NBL1: variants seen among roughly 807,000 people sequenced by gnomAD.
The protein encoded by NBL1 is neuroblastoma suppressor of tumorigenicity 1.
A neutral mutation model predicts 16.0 loss-of-function variants in NBL1; 9 were observed. The observed-to-expected ratio is 0.56, with a 90% confidence interval of 0.34 to 0.98. The LOEUF is 0.98. Among genes scored for constraint, NBL1 ranks in the 50% least tolerant of loss-of-function variants. The pLI is 0.02. For synonymous variants in NBL1, 86 were observed against 100.7 expected, an observed-to-expected ratio of 0.85 and a Z score of 0.87; for missense variants, 196 against 243.1, an observed-to-expected ratio of 0.81 and a Z score of 1.29.
rs571516753 is a variant in NBL1 at position 19,649,556 on chromosome 1, G to A, written c.-20+5110G>A. Among the ~76,000 whole-genome samples, 740 of 151,612 alleles carry A rather than the reference G, an allele frequency of 4.9e-3. 7 individuals are homozygous for A. The highest frequency in any genetic ancestry group is 0.017 in the African/African-American group (705 of 41,282). On this transcript the variant is annotated intron_variant, in intron 1 of 3. Transcript: ENST00000375136. The stretch of plus-strand genomic sequence containing the variant: ...GTATTTTTAGTAGAGACGGGGTTTC[G>A]CCATGTTGGCCAGGCTGGTCTCGAA...
intron 1 of NBL1, among the ~76,000 whole-genome samples, chr1:19,653,531 G>A (rs1295625332): frequency 6.6e-6 from 1 of 152,144 alleles, no homozygotes; most frequent in East Asian, 1.9e-4. Flanking sequence ...TGATCAAAAC[G>A]CAGACTCCTA....
chr1:19,644,133 G>A (rs1294435606), upstream of NBL1: 2 of 978,882 alleles, frequency 2.0e-6, no homozygotes, highest in Non-Finnish European at 2.4e-6. This position sits in a 1 kb window ranked among gnomAD's most constrained non-coding sequence, Gnocchi z 4.6. Context: ...CCAGGAGAGG[G>A]CCCGGGGCCC....
intron 1 of NBL1, among the ~76,000 whole-genome samples, chr1:19,652,962 T>G (rs1471948016): frequency 6.6e-6 from 1 of 150,448 alleles, no homozygotes; most frequent in Non-Finnish European, 1.5e-5. Context: ...CACTCCAGCC[T>G]GGGCGACAGA....
chr1:19,644,097 C>T, upstream of NBL1: 2 of 974,384 alleles, frequency 2.1e-6, no homozygotes, highest in Non-Finnish European at 2.4e-6. The surrounding 1 kb of genome is among the most constrained non-coding windows in gnomAD (Gnocchi z 4.6). Flanking sequence ...TCGGAGCGCG[C>T]CGAAGCTCAG....
chr1:19,649,148 C>T (rs2095005835), intron 1 of NBL1, among the ~76,000 whole-genome samples: 1 of 151,984 alleles, frequency 6.6e-6, no homozygotes, highest in Admixed American at 6.6e-5. Context: ...AACCTGCTAC[C>T]CTCCAGGTTC....
rs1055888205 is a variant in NBL1 at position 19,657,371 on chromosome 1, G to T, written c.*242G>T. 15 of 126,988 alleles carry T rather than the reference G, an allele frequency of 1.2e-4. No homozygotes were observed. Among genetic ancestry groups the T allele is most frequent in the African/African-American group, 8.2e-4 (6 of 7,322 alleles). 7.9% of individuals were successfully genotyped at this position (126,988 alleles called of 1,614,324 possible). On this transcript the variant is annotated 3_prime_UTR_variant, in exon 4 of 4. Transcript: ENST00000375136. ...CAGAGGTCTTCAGGGCTCTTTTTTT[G>T]GGGGGGGTGGTCTCTTCCTGTCTGG...
chr1:19,647,620 G>C (rs908515699), intron 1 of NBL1: 1 of 985,438 alleles, frequency 1.0e-6, no homozygotes, highest in East Asian at 1.1e-4. Flanking sequence ...CAAACGCTGC[G>C]TGCTCGTTGT....
chr1:19,647,903 G>GCA lies in NBL1; in HGVS notation c.-20+3458_-20+3459insAC, dbSNP rs1558361074. Among the ~76,000 whole-genome samples the GCA allele has an allele frequency of 1.8e-4, 21 of 119,338 alleles. No homozygotes were observed. In the Middle Eastern group the frequency reaches 0.011, roughly 65 times the overall value. The allele number at this position is 119,338 out of a possible 152,430, so 78.3% of individuals were successfully genotyped here. On this transcript the variant is annotated intron_variant, in intron 1 of 3. Transcript: ENST00000375136. The stretch of plus-strand genomic sequence containing the variant: ...TGTGTGCGTGTGCGCGCGTGTGTGT[G>GCA]CGTGCTTGTGCGGATGTACATTTTC...
chr1:19,654,608 C>G (rs1429709940), intron 1 of NBL1, among the ~76,000 whole-genome samples: 1 of 152,080 alleles, frequency 6.6e-6, no homozygotes, highest in Non-Finnish European at 1.5e-5. Flanking sequence ...TTGTTCAGCA[C>G]TTGACATGTG....
intron 2 of NBL1, 45 bp from the exon 3 acceptor site, chr1:19,655,279 G>T: frequency 4.3e-6 from 7 of 1,612,842 alleles, no homozygotes; most frequent in Non-Finnish European, 5.9e-6. Flanking sequence ...GCCCATCCCT[G>T]CCTCCCCAAC....
chr1:19,644,109 C>T (rs1181301727), upstream of NBL1: 131 of 974,568 alleles, frequency 1.3e-4, no homozygotes, highest in Non-Finnish European at 1.6e-4. This position sits in a 1 kb window ranked among gnomAD's most constrained non-coding sequence, Gnocchi z 4.6. Context: ...GAAGCTCAGC[C>T]CGGGGCGGGC....
Position 19,644,458 on chromosome 1 carries a change from C to G in NBL1, c.-20+12C>G. On this transcript the variant is annotated intron_variant, in intron 1 of 3. Coordinates refer to ENST00000375136, the MANE Select transcript of NBL1 (RefSeq NM_005380.8). The surrounding 1 kb of genome is among the most constrained non-coding windows in gnomAD (Gnocchi z 4.6). ...GGCGGGCGCGCGCGGTAAGTCCCGC[C>G]CGGGTCGGCACGCGGGCGCCCGGCT... The G allele has an allele frequency of 1.0e-6, 1 of 978,778 alleles. No individual in the cohort carries two copies. The highest frequency in any genetic ancestry group is 1.2e-6 in the Non-Finnish European group (1 of 827,242). The allele number at this position is 978,778 out of a possible 1,614,324, so 60.6% of individuals were successfully genotyped here.
chr1:19,651,655 G>A (rs978471788), intron 1 of NBL1, among the ~76,000 whole-genome samples: 5 of 147,906 alleles, frequency 3.4e-5, no homozygotes, highest in African/African-American at 1.3e-4. Context: ...CCCTCCCTCT[G>A]TCCCTCCCTC....
intron 1 of NBL1, among the ~76,000 whole-genome samples, chr1:19,647,180 G>A (rs1360970476): frequency 6.6e-6 from 1 of 152,160 alleles, no homozygotes; most frequent in Non-Finnish European, 1.5e-5. Flanking sequence ...TTAGAATGGG[G>A]CCAAGTGATC....
upstream of NBL1, chr1:19,643,482 T>G: frequency 6.4e-7 from 1 of 1,574,034 alleles, no homozygotes; most frequent in Non-Finnish European, 8.6e-7. The surrounding 1 kb of genome is among the most constrained non-coding windows in gnomAD (Gnocchi z 4.7). Context: ...AGAAGCAAAG[T>G]TATTTTCTCA....
chr1:19,656,532 C>T (rs2095057470), intron 3 of NBL1, among the ~76,000 whole-genome samples: 1 of 151,792 alleles, frequency 6.6e-6, no homozygotes, highest in Admixed American at 6.6e-5. Context: ...GCTGGTGGCA[C>T]CTGAAGGTCC....
chr1:19,645,176 A>G (rs1224812990), intron 1 of NBL1, among the ~76,000 whole-genome samples: 1 of 151,876 alleles, frequency 6.6e-6, no homozygotes, highest in Non-Finnish European at 1.5e-5. Context: ...GGGTGCGGCA[A>G]ACCCTCCCCC....
Position 19,655,106 on chromosome 1 carries a change from G to A in NBL1, c.76G>A (p.Ala26Thr). 1 of 1,612,884 alleles carries A rather than the reference G, an allele frequency of 6.2e-7. No individual in the cohort carries two copies. The highest frequency in any genetic ancestry group is 2.2e-5 in the East Asian group (1 of 44,874). ...LAAPPPINKL[A>T]LFPDKSAWCE... ...TGCCCCACCACCCATCAACAAGCTG[G>A]CACTGTTCCCAGATAAGAGTGCCTG... is the stretch of plus-strand genomic sequence containing the variant. The change falls in exon 2 of 4, where the codon GCA (alanine) becomes ACA (threonine). Residue 26 changes from alanine (A) to threonine (T), a missense_variant. Transcript: ENST00000375136.
chr1:19,643,317 C>T (rs761353945), upstream of NBL1: 20 of 1,613,784 alleles, frequency 1.2e-5, no homozygotes, highest in Non-Finnish European at 1.6e-5. This position sits in a 1 kb window ranked among gnomAD's most constrained non-coding sequence, Gnocchi z 4.7. Context: ...CCAGGATGCC[C>T]GGCAACCTCA....
Sources: gnomAD v4.1 joint callset for allele counts (sites outside exome capture counted in the v4.1 genomes callset) on GRCh38, gnomAD v4.1.1 for gene constraint, Gnocchi (gnomAD v3.1) non-coding constraint, MANE v1.5 for transcripts, NCBI Gene and HGNC (gene_info 2026-07-23, HGNC 2026-07-21) for gene names.